CENPW: variants seen among roughly 807,000 people sequenced by gnomAD.
CENPW encodes centromere protein W.
CENPW carries 3 observed loss-of-function variants against 11.1 expected under a neutral mutation model. The observed-to-expected ratio is 0.27, with a 90% CI of 0.12 to 0.70. The LOEUF (loss-of-function observed/expected upper bound fraction) is 0.70. CENPW is among the 30% of genes least tolerant of loss of function. The pLI, the probability that CENPW is intolerant of heterozygous loss-of-function variation, is 0.77. For synonymous variants in CENPW, 38 were observed against 42.0 expected, an observed-to-expected ratio of 0.91 and a Z score of 0.37; for missense variants, 100 against 105.6, an observed-to-expected ratio of 0.95 and a Z score of 0.23.
chr6:126,351,735 G>A (rs1780492996), downstream of CENPW, among the ~76,000 whole-genome samples: 1 of 151,892 alleles, frequency 6.6e-6, no homozygotes, highest in Admixed American at 6.6e-5. Context: ...ATGGTTATGG[G>A]TGGTCTATAT....
At chr6:126,347,278 G>A (rs551697489) in intron 2 of CENPW, among the ~76,000 whole-genome samples, 4 of 152,224 alleles carry the variant, frequency 2.6e-5, no homozygotes, top group Non-Finnish European at 5.9e-5. Flanking sequence ...CTTTGTAGAC[G>A]TTTTTGTTTT....
chr6:126,353,693 C>T (rs1780518035), downstream of CENPW, among the ~76,000 whole-genome samples: 1 of 151,966 alleles, frequency 6.6e-6, no homozygotes. Flanking sequence ...TTTTCTCTCT[C>T]CTGTTCGAGA....
rs774872957 is a variant in CENPW at position 126,348,474 on chromosome 6, A to G, written c.249A>G (p.Leu83=). 3 of 1,412,898 alleles carry G rather than the reference A, an allele frequency of 2.1e-6. No homozygotes were observed. In the Admixed American group the frequency reaches 5.1e-5, roughly 24 times the overall value. 87.5% of individuals were successfully genotyped at this position (1,412,898 alleles called of 1,614,324 possible). The part of the protein sequence containing the change: ...EHVLAAAKVI[L]KKSRG ...TTTTTTCCCTCTTACAGGTAATTCTAAAGAAGAGCAGAGGTTAGAAGTCAA... is the reference window on the plus strand; with the variant it reads ...TTTTTTCCCTCTTACAGGTAATTCTGAAGAAGAGCAGAGGTTAGAAGTCAA... Residue 83 remains leucine (L), a synonymous_variant, in exon 3 of 3, where the codon CTA becomes CTG. Coordinates refer to ENST00000368328, the MANE Select transcript of CENPW (RefSeq NM_001012507.4).
Position 126,348,700 on chromosome 6 carries a change from A to G in CENPW, c.*208A>G, listed in dbSNP as rs1780455313. On this transcript the variant is annotated 3_prime_UTR_variant, in exon 3 of 3. Coordinates refer to ENST00000368328, the MANE Select transcript of CENPW (RefSeq NM_001012507.4). ...TTTTATGGGAATTACTATTATTTTT[A>G]TTTTAAATGTCCTCTAGTTCAGTTT... 2.8e-6 allele frequency: 1 copy of G among 361,862 alleles called. No homozygotes were observed. The highest frequency in any genetic ancestry group is 2.1e-5 in the African/African-American group (1 of 47,052). 22.4% of individuals were successfully genotyped at this position (361,862 alleles called of 1,614,324 possible). A position where few individuals can be genotyped will look rare whatever the true frequency, so the allele number is the denominator to read the frequency against.
the CENPW span, among the ~76,000 whole-genome samples, chr6:126,359,783 A>G: frequency 6.7e-6 from 1 of 148,434 alleles, no homozygotes; most frequent in South Asian, 2.1e-4. Context: ...CATTTGCATG[A>G]TAGAACTTTC....
At chr6:126,356,281 T>G in the CENPW span, among the ~76,000 whole-genome samples, 1 of 152,142 alleles carries the variant, frequency 6.6e-6, no homozygotes, top group Non-Finnish European at 1.5e-5. Context: ...TTTTGTTTGT[T>G]TTTGCATGCT....
At chr6:126,477,539 C>G in the CENPW span, among the ~76,000 whole-genome samples, 5 of 151,886 alleles carry the variant, frequency 3.3e-5, no homozygotes, top group Non-Finnish European at 7.4e-5. Flanking sequence ...TTCTCACATA[C>G]TCTGTGATAA....
chr6:126,396,031 C>T, the CENPW span, among the ~76,000 whole-genome samples: 1 of 152,094 alleles, frequency 6.6e-6, no homozygotes, highest in African/African-American at 2.4e-5. Flanking sequence ...AGTGTAACCA[C>T]TAACTGGCTA....
chr6:126,447,882 A>G, the CENPW span, among the ~76,000 whole-genome samples: 867 of 151,324 alleles, frequency 5.7e-3, 13 homozygotes, highest in African/African-American at 0.02. Context: ...ACCACCTCTT[A>G]TCTCCATTCA....
the CENPW span, among the ~76,000 whole-genome samples, chr6:126,479,634 A>G: frequency 1.3e-5 from 2 of 152,030 alleles, no homozygotes; most frequent in African/African-American, 2.4e-5. Context: ...TCTTTCACAT[A>G]TATTTTCAAA....
chr6:126,390,571 A>T, the CENPW span, among the ~76,000 whole-genome samples: 4 of 151,310 alleles, frequency 2.6e-5, no homozygotes, highest in Non-Finnish European at 4.4e-5. Context: ...ATTCTTTCTA[A>T]TTTTTTTTGT....
chr6:126,394,390 C>T, the CENPW span, among the ~76,000 whole-genome samples: 1 of 151,982 alleles, frequency 6.6e-6, no homozygotes, highest in African/African-American at 2.4e-5. Context: ...ACACTGATTT[C>T]ATAAACAAAC....
At chr6:126,398,325 G>C in the CENPW span, among the ~76,000 whole-genome samples, 1 of 152,102 alleles carries the variant, frequency 6.6e-6, no homozygotes, top group Non-Finnish European at 1.5e-5. Flanking sequence ...CATGCCTAGT[G>C]CTTTGTAGGT....
chr6:126,444,585 C>A, the CENPW span, among the ~76,000 whole-genome samples: 50 of 150,968 alleles, frequency 3.3e-4, no homozygotes, highest in South Asian at 0.01. Context: ...TACAAATATT[C>A]TTTTTCTTCC....
the CENPW span, among the ~76,000 whole-genome samples, chr6:126,455,034 C>G: frequency 6.6e-6 from 1 of 151,250 alleles, no homozygotes; most frequent in Non-Finnish European, 1.5e-5. Flanking sequence ...AATTCAATCC[C>G]TGAACAGACC....
chr6:126,473,167 A>T, the CENPW span, among the ~76,000 whole-genome samples: 1 of 152,162 alleles, frequency 6.6e-6, no homozygotes, highest in African/African-American at 2.4e-5. Flanking sequence ...ACTGAAGGAC[A>T]TCTTGGTTGT....
the CENPW span, among the ~76,000 whole-genome samples, chr6:126,376,967 T>C: frequency 6.6e-6 from 1 of 152,202 alleles, no homozygotes; most frequent in Non-Finnish European, 1.5e-5. Flanking sequence ...CATACATCTT[T>C]AGGTAAAGGT....
chr6:126,375,776 G>A, the CENPW span, among the ~76,000 whole-genome samples: 32 of 151,424 alleles, frequency 2.1e-4, no homozygotes, highest in East Asian at 1.9e-4. Flanking sequence ...CTCACTCTTC[G>A]TTACTTTAGT....
At chr6:126,371,318 A>T in the CENPW span, among the ~76,000 whole-genome samples, 1 of 151,540 alleles carries the variant, frequency 6.6e-6, no homozygotes, top group African/African-American at 2.4e-5. Flanking sequence ...ATTTTGTCAA[A>T]TTTTTTTTCT....
Sources: gnomAD v4.1 joint callset for allele counts (sites outside exome capture counted in the v4.1 genomes callset) on GRCh38, gnomAD v4.1.1 for gene constraint, MANE v1.5 for transcripts, NCBI Gene and HGNC (gene_info 2026-07-23, HGNC 2026-07-21) for gene names.